GPHN: variants seen among roughly 807,000 people sequenced by gnomAD.
GPHN encodes the protein gephyrin.
A neutral mutation model predicts 95.5 loss-of-function variants in GPHN; 17 were observed. That is an observed-to-expected ratio of 0.18 (90% CI 0.12 to 0.27). The LOEUF (loss-of-function observed/expected upper bound fraction) is 0.27. Ranked by LOEUF, GPHN falls within the 10% of genes least tolerant of loss-of-function variation. The pLI is 1.00. For missense variants in GPHN, 660 were observed against 978.1 expected, an observed-to-expected ratio of 0.67 and a Z score of 4.34; for synonymous variants, 320 against 322.5, an observed-to-expected ratio of 0.99 and a Z score of 0.08.
the GPHN span, among the ~76,000 whole-genome samples, chr14:67,192,979 T>C: frequency 9.5e-4 from 140 of 146,702 alleles, no homozygotes; most frequent in African/African-American, 3.2e-3. Context: ...TATCTAGATA[T>C]AGATCTCTCT....
At chr14:67,295,537 GT>G in the GPHN span, among the ~76,000 whole-genome samples, 12 of 151,260 alleles carry the variant, frequency 7.9e-5, no homozygotes, top group Admixed American at 2.0e-4. Context: ...AGACTACTCG[GT>G]TAAAAAAAAA....
the GPHN span, among the ~76,000 whole-genome samples, chr14:67,301,753 A>G: frequency 1.3e-5 from 2 of 152,080 alleles, no homozygotes; most frequent in Admixed American, 6.6e-5. Flanking sequence ...AGACCTTTAC[A>G]TTGATGTTAT....
At chr14:67,258,479 G>A in the GPHN span, among the ~76,000 whole-genome samples, 106 of 152,260 alleles carry the variant, frequency 7.0e-4, no homozygotes, top group African/African-American at 2.3e-3. Context: ...GGAGGGTCGT[G>A]GTGTGATCAC....
chr14:67,644,572 A>G, the GPHN span, among the ~76,000 whole-genome samples: 8 of 152,238 alleles, frequency 5.3e-5, no homozygotes, highest in Non-Finnish European at 1.2e-4. Context: ...ATCTATGTCA[A>G]ATTCCTTGGT....
chr14:66,830,748 T>C (rs1026810054), intron 4 of GPHN, among the ~76,000 whole-genome samples: 4 of 152,106 alleles, frequency 2.6e-5, no homozygotes, highest in African/African-American at 9.7e-5. Context: ...TTTTAGAAGG[T>C]ATATTCTGTT....
chr14:66,724,511 A>C (rs1566871983), intron 2 of GPHN, among the ~76,000 whole-genome samples: 2 of 152,168 alleles, frequency 1.3e-5, no homozygotes, highest in Admixed American at 1.3e-4. Flanking sequence ...AGTTCAAGTT[A>C]CTGAGGGGCT....
At chr14:66,746,678 T>C (rs2058163382) in intron 2 of GPHN, among the ~76,000 whole-genome samples, 2 of 152,022 alleles carry the variant, frequency 1.3e-5, no homozygotes, top group Admixed American at 6.6e-5. Flanking sequence ...TTTTTTGTTA[T>C]TGTTGTTCTT....
intron 3 of GPHN, among the ~76,000 whole-genome samples, chr14:66,816,459 G>A: frequency 6.6e-6 from 1 of 152,094 alleles, no homozygotes; most frequent in East Asian, 1.9e-4. Flanking sequence ...CAATCTCTAG[G>A]ACCACAGTGC....
At chr14:67,387,500 A>G in the GPHN span, 6 of 1,584,378 alleles carry the variant, frequency 3.8e-6, no homozygotes, top group African/African-American at 4.1e-5. Flanking sequence ...TTGAATAGCC[A>G]TGTCTGCTTT....
intron 17 of GPHN, among the ~76,000 whole-genome samples, chr14:67,127,442 T>C (rs1276252295): frequency 6.6e-6 from 1 of 152,120 alleles, no homozygotes; most frequent in Non-Finnish European, 1.5e-5. Context: ...TGATGGAGAC[T>C]GGAAATAAGG....
chr14:67,499,454 C>T, the GPHN span, among the ~76,000 whole-genome samples: 1 of 152,106 alleles, frequency 6.6e-6, no homozygotes, highest in Non-Finnish European at 1.5e-5. Context: ...AGCATAGTGA[C>T]AATAGGTAGA....
chr14:66,573,930 T>A (rs1045524671), intron 1 of GPHN, among the ~76,000 whole-genome samples: 1 of 152,166 alleles, frequency 6.6e-6, no homozygotes. Context: ...CAGCATGTAG[T>A]TGAGTCTTGT....
chr14:66,830,076 C>T (rs1333106258), intron 4 of GPHN, among the ~76,000 whole-genome samples: 1 of 152,088 alleles, frequency 6.6e-6, no homozygotes, highest in Non-Finnish European at 1.5e-5. Flanking sequence ...CAGCAGAGTT[C>T]AGAAGTTGTA....
chr14:67,364,764 C>T, the GPHN span: 3 of 1,605,710 alleles, frequency 1.9e-6, no homozygotes, highest in Non-Finnish European at 2.6e-6. Context: ...GTTTAAATTG[C>T]AGAATGCCGG....
intron 1 of GPHN, among the ~76,000 whole-genome samples, chr14:66,599,703 T>C (rs183838059): frequency 1.3e-5 from 2 of 152,128 alleles, no homozygotes; most frequent in African/African-American, 4.8e-5. Flanking sequence ...TTGTGTTGTT[T>C]AAGATATTAA....
chr14:67,508,763 A>AAAAAAAAAAAAAAAAAAC, the GPHN span, among the ~76,000 whole-genome samples: 1 of 150,648 alleles, frequency 6.6e-6, no homozygotes, highest in South Asian at 2.1e-4. Flanking sequence ...CAAAAAAAAA[A>AAAAAAAAAAAAAAAAAAC]AAAAAAAACA....
At chr14:67,242,488 T>C in the GPHN span, among the ~76,000 whole-genome samples, 1 of 152,360 alleles carries the variant, frequency 6.6e-6, no homozygotes, top group South Asian at 2.1e-4. Context: ...GTTTACTAAT[T>C]ATGCTTTTGG....
At chr14:67,357,816 G>T in the GPHN span, among the ~76,000 whole-genome samples, 1 of 152,098 alleles carries the variant, frequency 6.6e-6, no homozygotes, top group Non-Finnish European at 1.5e-5. Context: ...CAGTGTAAAC[G>T]CCATACTACC....
At chr14:67,707,913 C>T in the GPHN span, among the ~76,000 whole-genome samples, 10 of 149,964 alleles carry the variant, frequency 6.7e-5, no homozygotes, top group African/African-American at 2.5e-4. Context: ...GCCAATTTTT[C>T]CAAGGGGCTA....
Sources: allele counts gnomAD v4.1 joint callset (sites outside exome capture counted in the v4.1 genomes callset), GRCh38; gene constraint gnomAD v4.1.1; transcripts MANE v1.5; gene names NCBI Gene and HGNC (gene_info 2026-07-23, HGNC 2026-07-21).